ACVR2A: variants seen among roughly 807,000 people sequenced by gnomAD.
ACVR2A encodes the protein activin receptor type-2A.
A neutral mutation model predicts 61.4 loss-of-function variants in ACVR2A; 7 were observed. The observed-to-expected ratio is 0.11, with a 90% CI of 0.06 to 0.21. ACVR2A has a LOEUF of 0.21. Ranked by LOEUF, ACVR2A falls within the 10% of genes least tolerant of loss-of-function variation. The pLI is 1.00. For missense variants in ACVR2A, 322 were observed against 621.7 expected, an observed-to-expected ratio of 0.52 and a Z score of 5.13; for synonymous variants, 193 against 208.3, an observed-to-expected ratio of 0.93 and a Z score of 0.63.
At chr2:147,911,933 C>T (rs537866593) in intron 4 of ACVR2A, among the ~76,000 whole-genome samples, 6 of 151,960 alleles carry the variant, frequency 3.9e-5, no homozygotes, top group East Asian at 3.9e-4. Context: ...TAACAGGGGT[C>T]GATTTTCTAA....
At chr2:147,864,432 A>G (rs1011645215) in intron 1 of ACVR2A, among the ~76,000 whole-genome samples, 1 of 152,002 alleles carries the variant, frequency 6.6e-6, no homozygotes, top group Admixed American at 6.6e-5. Flanking sequence ...AGGTTTCACC[A>G]TCTTGGCCAA....
intron 5 of ACVR2A, among the ~76,000 whole-genome samples, chr2:147,916,149 TACC>T (rs1020579742): frequency 2.0e-5 from 3 of 152,074 alleles, no homozygotes; most frequent in African/African-American, 7.2e-5. Flanking sequence ...TGTTCAATCT[TACC>T]TCCTCTGTTC....
intron 4 of ACVR2A, among the ~76,000 whole-genome samples, chr2:147,902,578 G>T (rs1041289223): frequency 2.0e-5 from 3 of 151,944 alleles, no homozygotes; most frequent in Non-Finnish European, 4.4e-5. Flanking sequence ...TAGATACATA[G>T]AAGGGCATAT....
At chr2:147,845,353 C>CCCCA (rs1553483270) in intron 1 of ACVR2A, 146 bp downstream of exon 1, 2 of 525,894 alleles carry the variant, frequency 3.8e-6, no homozygotes, top group Non-Finnish European at 3.2e-6. Flanking sequence ...CCACCGCCCC[C>CCCCA]CCCCCCCGCC....
At position 147,845,221 on chromosome 2, in the gene ACVR2A, G is replaced by A. The variant is rs754934725; in HGVS notation, c.55+14G>A. On this transcript the variant is annotated intron_variant, in intron 1 of 10. Transcript: ENST00000241416. Reference sequence around the variant, plus strand: ...CCTGTTCTTCAGGTAGGTGCAGGGAGCGCGGCGCGGTGGGGCTGCTCCTGC... The same window carrying A: ...CCTGTTCTTCAGGTAGGTGCAGGGAACGCGGCGCGGTGGGGCTGCTCCTGC... The A allele has an allele frequency of 3.7e-6, 6 of 1,610,870 alleles. No individual in the cohort carries two copies. Among genetic ancestry groups the A allele is most frequent in the African/African-American group, 2.7e-5 (2 of 74,504 alleles).
At chr2:147,911,077 T>C (rs957010258) in intron 4 of ACVR2A, among the ~76,000 whole-genome samples, 1 of 152,160 alleles carries the variant, frequency 6.6e-6, no homozygotes, top group African/African-American at 2.4e-5. Context: ...AACTGATTTC[T>C]AGCTATATAT....
Position 147,904,751 on chromosome 2 carries a change from G to A in ACVR2A, c.528+4853G>A, listed in dbSNP as rs923545886. Among the ~76,000 whole-genome samples, 46 of 151,960 alleles carry A rather than the reference G, an allele frequency of 3.0e-4. 2 individuals are homozygous for A. The highest frequency in any genetic ancestry group is 2.8e-3 in the Admixed American group (43 of 15,222). On this transcript the variant is annotated intron_variant, in intron 4 of 10. Transcript: ENST00000241416. ...TTTGTAGGATTTTCTTCTTGAACAT[G>A]AGTTTATGTATTTAAAATTAATAAG...
At chr2:147,926,205 A>C (rs1214419764) in intron 10 of ACVR2A, 44 bp downstream of exon 10, 1 of 1,586,278 alleles carries the variant, frequency 6.3e-7, no homozygotes, top group Non-Finnish European at 8.6e-7. Context: ...CCAATAAAAC[A>C]CTTTTCAGAG....
In ACVR2A at chr2:147,927,645, G is replaced by C. The variant is rs1419327177; in HGVS notation, c.*371G>C. ...ACACTAATTCCTTAAATGAACTACT[G>C]CTATTTTTTTTAAATCAAAAACTTT... On this transcript the variant is annotated 3_prime_UTR_variant, in exon 11 of 11. Transcript: ENST00000241416. 6.2e-6 allele frequency: 1 copy of C among 161,568 alleles called. No individual in the cohort carries two copies. 10.0% of individuals were successfully genotyped at this position (161,568 alleles called of 1,614,324 possible). A position where few individuals can be genotyped will look rare whatever the true frequency, so the allele number is the denominator to read the frequency against.
Position 147,917,247 on chromosome 2 carries a change from C to G in ACVR2A, c.673-36C>G, listed in dbSNP as rs151279676. 4.1e-5 allele frequency: 66 copies of G among 1,598,840 alleles called. No homozygotes were observed. The African/African-American group carries it at 8.5e-4, about 21-fold the overall frequency. ...ATGCATGGTTTATTAAACCTGTATTCCTTGTGTTCTTACTATTCTTTCTTT... is the reference window on the plus strand; with the variant it reads ...ATGCATGGTTTATTAAACCTGTATTGCTTGTGTTCTTACTATTCTTTCTTT... On this transcript the variant is annotated intron_variant, in intron 5 of 10. Transcript: ENST00000241416.
At chr2:147,857,780 A>G (rs1173950996) in intron 1 of ACVR2A, among the ~76,000 whole-genome samples, 1 of 152,104 alleles carries the variant, frequency 6.6e-6, no homozygotes, top group Non-Finnish European at 1.5e-5. Context: ...ATCAGAGGCT[A>G]CACACACAAG....
intron 1 of ACVR2A, among the ~76,000 whole-genome samples, chr2:147,888,253 G>T (rs1686491913): frequency 6.6e-6 from 1 of 152,118 alleles, no homozygotes; most frequent in Non-Finnish European, 1.5e-5. Context: ...AGGAAAGCGG[G>T]TGGTGATTTC....
In ACVR2A at chr2:147,889,568, C is replaced by G. The variant is rs541228839; in HGVS notation, c.56-6733C>G. ...GACCATCCTGTCTAACACGGTGAAA[C>G]CCTGTTTCCACTAAAAATACAAAAA... On this transcript the variant is annotated intron_variant, in intron 1 of 10. Transcript: ENST00000241416. Among the ~76,000 whole-genome samples, 29 of 151,966 alleles carry G rather than the reference C, an allele frequency of 1.9e-4. No homozygotes were observed. In the East Asian group the frequency reaches 5.4e-3, roughly 28 times the overall value.
chr2:147,918,107 A>G (rs1489509710), intron 6 of ACVR2A, among the ~76,000 whole-genome samples: 2 of 151,596 alleles, frequency 1.3e-5, no homozygotes, highest in Non-Finnish European at 3.0e-5. Context: ...TAACAACTCT[A>G]TAGTCAGGAT....
At chr2:147,852,935 A>G (rs1259549750) in intron 1 of ACVR2A, among the ~76,000 whole-genome samples, 1 of 152,082 alleles carries the variant, frequency 6.6e-6, no homozygotes, top group Non-Finnish European at 1.5e-5. Flanking sequence ...AAGAAGTAGG[A>G]CAATCTCAGG....
intron 1 of ACVR2A, among the ~76,000 whole-genome samples, chr2:147,870,690 C>T (rs771244481): frequency 6.6e-6 from 1 of 152,140 alleles, no homozygotes; most frequent in Non-Finnish European, 1.5e-5. Flanking sequence ...ATTTCATTCT[C>T]CTGTTTAATC....
At chr2:147,864,307 G>A (rs1031497233) in intron 1 of ACVR2A, among the ~76,000 whole-genome samples, 1 of 152,106 alleles carries the variant, frequency 6.6e-6, no homozygotes, top group African/African-American at 2.4e-5. Flanking sequence ...TCGGCTCACT[G>A]CAACCTCCAC....
chr2:147,885,630 T>C (rs1573678150), intron 1 of ACVR2A, among the ~76,000 whole-genome samples: 1 of 152,106 alleles, frequency 6.6e-6, no homozygotes, highest in African/African-American at 2.4e-5. Flanking sequence ...TCAATGATGG[T>C]ATTATGACTT....
At chr2:147,910,464 ATC>A (rs1378430656) in intron 4 of ACVR2A, among the ~76,000 whole-genome samples, 2 of 152,322 alleles carry the variant, frequency 1.3e-5, no homozygotes, top group Admixed American at 1.3e-4. Flanking sequence ...TAGTAGGATT[ATC>A]TCAGCCTTTT....
Sources: allele counts gnomAD v4.1 joint callset (sites outside exome capture counted in the v4.1 genomes callset), GRCh38; gene constraint gnomAD v4.1.1; transcripts MANE v1.5; gene names NCBI Gene and HGNC (gene_info 2026-07-23, HGNC 2026-07-21).